The following MYO16 variants were observed in gnomAD, a reference collection of about 807,000 sequenced individuals.
MYO16 encodes myosin XVI, also known as unconventional myosin-XVI.
A neutral mutation model predicts 205.3 loss-of-function variants in MYO16; 94 were observed. The ratio of observed to expected loss-of-function variants is 0.46; its 90% CI spans 0.39 to 0.54. The LOEUF is 0.54. MYO16 is among the 20% of genes least tolerant of loss of function. MYO16 has a pLI of 0.00. For missense variants in MYO16, 2,315 were observed against 2,387.5 expected (o/e 0.97, Z 0.63); for synonymous variants, 988 against 954.0 (o/e 1.04, Z -0.66).
chr13:109,039,268 T>G (rs1478427453), intron 23 of MYO16, among the ~76,000 whole-genome samples: 2 of 152,148 alleles, frequency 1.3e-5, no homozygotes, highest in East Asian at 3.9e-4. Flanking sequence ...TTCAACACCC[T>G]CCTCTCAACA....
At chr13:108,632,212 G>T (rs1880019237) in intron 1 of MYO16, among the ~76,000 whole-genome samples, 1 of 152,086 alleles carries the variant, frequency 6.6e-6, no homozygotes, top group Non-Finnish European at 1.5e-5. Context: ...CCCATATTGG[G>T]CTGATCTGCT....
chr13:108,741,161 G>T (rs751822931), intron 4 of MYO16, among the ~76,000 whole-genome samples: 1 of 152,048 alleles, frequency 6.6e-6, no homozygotes, highest in Non-Finnish European at 1.5e-5. Flanking sequence ...CATCCGACAC[G>T]CCCCAGTGAG....
intron 4 of MYO16, among the ~76,000 whole-genome samples, chr13:108,759,684 G>A (rs531844033): frequency 0.097 from 14,649 of 150,492 alleles, 990 homozygotes; most frequent in Non-Finnish European, 0.15. Context: ...AGCCAGGCGT[G>A]GGGGCAGGCG....
At chr13:109,143,432 C>T (rs1877193812) in intron 32 of MYO16, among the ~76,000 whole-genome samples, 1 of 152,164 alleles carries the variant, frequency 6.6e-6, no homozygotes, top group African/African-American at 2.4e-5. Context: ...TTGAATTTCA[C>T]ACACCGTGTT....
At chr13:108,897,424 G>C (rs1178792031) in intron 14 of MYO16, among the ~76,000 whole-genome samples, 2 of 152,206 alleles carry the variant, frequency 1.3e-5, no homozygotes, top group African/African-American at 4.8e-5. Context: ...GGCAGCGAGA[G>C]AAGGCGGCAT....
chr13:108,885,308 G>A (rs763591122), intron 13 of MYO16, among the ~76,000 whole-genome samples: 1 of 152,106 alleles, frequency 6.6e-6, no homozygotes, highest in Non-Finnish European at 1.5e-5. Flanking sequence ...TAGTAGAGTC[G>A]GGGGTGTCAC....
the MYO16 span, among the ~76,000 whole-genome samples, chr13:108,520,600 G>C: frequency 1.3e-5 from 2 of 151,784 alleles, no homozygotes; most frequent in African/African-American, 2.4e-5. Context: ...AAATCGGTTA[G>C]TAAAAATCTA....
intron 7 of MYO16, among the ~76,000 whole-genome samples, chr13:108,813,075 G>A (rs954590947): frequency 3.3e-5 from 5 of 152,132 alleles, no homozygotes; most frequent in African/African-American, 4.8e-5. Context: ...CTGAGGAGGG[G>A]TTGGACACGG....
chr13:108,597,119 A>G (rs1328168476), intron 1 of MYO16, among the ~76,000 whole-genome samples: 1 of 152,234 alleles, frequency 6.6e-6, no homozygotes, highest in East Asian at 1.9e-4. Context: ...GCCATCATTT[A>G]TGAATGCTTC....
At chr13:109,041,064 T>C (rs374302684) in intron 23 of MYO16, among the ~76,000 whole-genome samples, 20 of 152,346 alleles carry the variant, frequency 1.3e-4, no homozygotes, top group East Asian at 1.2e-3. Flanking sequence ...TATTTCTGTA[T>C]ACTAGCAATG....
intron 9 of MYO16, among the ~76,000 whole-genome samples, chr13:108,831,930 A>C (rs900075198): frequency 2.6e-5 from 4 of 152,160 alleles, no homozygotes; most frequent in African/African-American, 9.7e-5. Flanking sequence ...TTATGTGAGA[A>C]AAATCAATGT....
At position 109,052,389 on chromosome 13, in the gene MYO16, C is replaced by T. The variant is rs536004342; in HGVS notation, c.2962C>T (p.Arg988Ter). The T allele has an allele frequency of 3.1e-6, 5 of 1,612,398 alleles. No individual in the cohort carries two copies. Among genetic ancestry groups the T allele is most frequent in the East Asian group, 2.2e-5 (1 of 44,840 alleles). ...LVSAYPSFKF[R>*]GHKSALLSKK... ...ATCTGCCTATCCTTCCTTTAAATTC[C>T]GAGGACATAAGTCTGCCCTGCTCAG... Residue 988 changes from arginine to a stop codon, truncating the protein, a stop_gained, in exon 25 of 35, where the codon CGA (arginine) becomes TGA (stop). Coordinates refer to ENST00000457511, the MANE Select transcript of MYO16 (RefSeq NM_001198950.3). LOFTEE classifies it high-confidence loss of function.
At chr13:108,943,468 T>C (rs1399758694) in intron 16 of MYO16, among the ~76,000 whole-genome samples, 1 of 151,962 alleles carries the variant, frequency 6.6e-6, no homozygotes, top group Non-Finnish European at 1.5e-5. Flanking sequence ...ATTTTTTTTA[T>C]TTTTTTTGAG....
intron 1 of MYO16, among the ~76,000 whole-genome samples, chr13:108,652,167 A>C (rs950404577): frequency 6.7e-6 from 1 of 149,140 alleles, no homozygotes; most frequent in Non-Finnish European, 1.5e-5. Flanking sequence ...GCGCGCGCGC[A>C]TGTGTGCGCG....
At chr13:108,851,718 C>T (rs1877877667) in intron 10 of MYO16, among the ~76,000 whole-genome samples, 1 of 152,160 alleles carries the variant, frequency 6.6e-6, no homozygotes, top group African/African-American at 2.4e-5. Flanking sequence ...TCTTTGACCT[C>T]TTCCTTGGGC....
the MYO16 span, among the ~76,000 whole-genome samples, chr13:108,544,726 G>A: frequency 3.3e-5 from 5 of 152,046 alleles, no homozygotes; most frequent in Admixed American, 3.3e-4. Flanking sequence ...ATTAACCATT[G>A]CTAACTCCCA....
chr13:109,059,312 A>T (rs1036643768), intron 27 of MYO16, among the ~76,000 whole-genome samples: 3 of 152,192 alleles, frequency 2.0e-5, no homozygotes, highest in South Asian at 2.1e-4. Context: ...TCCTTAGAGA[A>T]TCTATTCTTA....
At chr13:109,091,983 A>T (rs987701646) in intron 27 of MYO16, among the ~76,000 whole-genome samples, 6 of 152,218 alleles carry the variant, frequency 3.9e-5, no homozygotes, top group Non-Finnish European at 5.9e-5. Context: ...ATGTGCGGTA[A>T]AATTAGAATA....
At position 109,127,120 on chromosome 13, in the gene MYO16, C is replaced by A. The variant is rs1876290370; in HGVS notation, c.3783-162C>A. ...CAGAGGACGGGTGGCCTTCTCTGGA[C>A]CAACTGGTCACCAGAGGGCTGCACA... On this transcript the variant is annotated intron_variant, in intron 30 of 34. Transcript: ENST00000457511. The surrounding 1 kb of genome is among the most constrained non-coding windows in gnomAD (Gnocchi z 4.2). Among the ~76,000 whole-genome samples the A allele has an allele frequency of 6.6e-6, 1 of 152,142 alleles. No homozygotes were observed. Among genetic ancestry groups the A allele is most frequent in the South Asian group, 2.1e-4 (1 of 4,830 alleles).
Sources: allele counts gnomAD v4.1 joint callset (sites outside exome capture counted in the v4.1 genomes callset), GRCh38; gene constraint gnomAD v4.1.1; non-coding constraint Gnocchi (gnomAD v3.1); transcripts MANE v1.5; gene names NCBI Gene and HGNC (gene_info 2026-07-23, HGNC 2026-07-21).